The following FRMD5 variants were observed in gnomAD, a reference collection of about 807,000 sequenced individuals.
The protein encoded by FRMD5 is FERM domain containing 5, also known as FERM domain-containing protein 5.
FRMD5 carries 20 observed loss-of-function variants against 69.0 expected under a neutral mutation model. The ratio of observed to expected loss-of-function variants is 0.29; its 90% CI spans 0.20 to 0.42. FRMD5 has a LOEUF of 0.42. Ranked by LOEUF, FRMD5 falls within the 10% of genes least tolerant of loss-of-function variation. The probability of loss-of-function intolerance (pLI) is 1.00; values close to 1 mark genes in which losing one functional copy is unlikely to be tolerated. For synonymous variants in FRMD5, 271 were observed against 260.1 expected (o/e 1.04, Z -0.40); for missense variants, 595 against 708.6 (o/e 0.84, Z 1.82).
intron 7 of FRMD5, among the ~76,000 whole-genome samples, chr15:43,897,155 G>T (rs2088929607): frequency 6.6e-6 from 1 of 152,026 alleles, no homozygotes; most frequent in Non-Finnish European, 1.5e-5. Flanking sequence ...CCACCCAAGG[G>T]TGGGACAGCC....
chr15:43,972,005 G>A (rs2090387701), intron 1 of FRMD5, among the ~76,000 whole-genome samples: 3 of 149,960 alleles, frequency 2.0e-5, no homozygotes, highest in Admixed American at 2.0e-4. Flanking sequence ...AGACCATCCT[G>A]GCCAACATAG....
At chr15:43,883,906 T>G (rs1481283034) in intron 12 of FRMD5, 97 bp from the exon 13 acceptor site, 2 of 843,558 alleles carry the variant, frequency 2.4e-6, no homozygotes, top group Admixed American at 1.9e-5. Context: ...TGCCTGGCTA[T>G]ATTAAGTCTT....
At chr15:44,176,593 C>A (rs1318378498) in intron 1 of FRMD5, among the ~76,000 whole-genome samples, 1 of 152,026 alleles carries the variant, frequency 6.6e-6, no homozygotes, top group Non-Finnish European at 1.5e-5. Flanking sequence ...AATGAAAAGA[C>A]AACTCACAGA....
Position 44,054,332 on chromosome 15 carries a change from C to T in FRMD5, c.103-130023G>A, listed in dbSNP as rs541515594. On this transcript the variant is annotated intron_variant, in intron 1 of 13. Transcript: ENST00000417257. ...TCCCAACCTCTATCCTATTATCTTC[C>T]CTGCAATCGTCCGCTCTCCAGAGCC... Among the ~76,000 whole-genome samples the T allele has an allele frequency of 3.9e-5, 6 of 152,262 alleles. No individual in the cohort carries two copies. In the South Asian group the frequency reaches 1.2e-3, roughly 32 times the overall value.
intron 13 of FRMD5, chr15:43,876,269 G>A (rs1404811978): frequency 2.9e-5 from 42 of 1,467,612 alleles, no homozygotes; most frequent in Non-Finnish European, 3.7e-5. Flanking sequence ...GTTGAACTCT[G>A]AACTCTGGGC....
chr15:43,879,842 G>A, intron 13 of FRMD5: 1 of 393,244 alleles, frequency 2.5e-6, no homozygotes, highest in East Asian at 3.6e-5. Flanking sequence ...GCGTGTTGCA[G>A]GGAGAAGGTC....
chr15:43,924,748 C>T (rs2089553450), intron 1 of FRMD5, among the ~76,000 whole-genome samples: 1 of 152,208 alleles, frequency 6.6e-6, no homozygotes. Flanking sequence ...CATCCCTCAA[C>T]AGGACCACTG....
At chr15:44,023,269 C>T (rs1891291357) in intron 1 of FRMD5, among the ~76,000 whole-genome samples, 1 of 152,142 alleles carries the variant, frequency 6.6e-6, no homozygotes, top group African/African-American at 2.4e-5. Flanking sequence ...AGTATCTCCC[C>T]ATCTGGAGGT....
chr15:43,980,753 T>C (rs756115573), intron 1 of FRMD5, among the ~76,000 whole-genome samples: 9 of 152,238 alleles, frequency 5.9e-5, no homozygotes, highest in Non-Finnish European at 1.0e-4. Context: ...TGTTATTTAA[T>C]GAAGGAGAAT....
chr15:43,966,203 T>C (rs1296250311), intron 1 of FRMD5, among the ~76,000 whole-genome samples: 3 of 151,900 alleles, frequency 2.0e-5, no homozygotes, highest in Non-Finnish European at 4.4e-5. Flanking sequence ...AAACCGCATC[T>C]CTAATAAAAA....
rs1566889673 is a variant in FRMD5 at position 43,999,932 on chromosome 15, T to TATATATATATATGCCATGC, written c.103-75624_103-75623insGCATGGCATATATATATAT. ...ATTTGTGTGTGTGTATGTATATATATATATATATATATATGCCATGCATAT... is the reference window on the plus strand; with the variant it reads ...ATTTGTGTGTGTGTATGTATATATATATATATATATATGCCATGCATATATATATATATGCCATGCATAT... On this transcript the variant is annotated intron_variant, in intron 1 of 13. Transcript: ENST00000417257. 2.9e-5 allele frequency among the ~76,000 whole-genome samples: 4 copies of TATATATATATATGCCATGC among 140,312 alleles called. 1 individual carries two copies. Among genetic ancestry groups the TATATATATATATGCCATGC allele is most frequent in the Admixed American group, 7.0e-5 (1 of 14,376 alleles). 92.1% of individuals were successfully genotyped at this position (140,312 alleles called of 152,430 possible).
At chr15:44,158,148 A>G (rs559748638) in intron 1 of FRMD5, among the ~76,000 whole-genome samples, 5 of 152,322 alleles carry the variant, frequency 3.3e-5, no homozygotes, top group African/African-American at 1.2e-4. Flanking sequence ...GGAATTTTAG[A>G]GCCTCTGTCT....
rs192805403 is a variant in FRMD5 at position 44,168,461 on chromosome 15, G to A, written c.102+26492C>T. ...TAGACTTGCTCAGTGCCAAATTTAC[G>A]TGAATTTTAAGATTCCTGTCTTTAA... is the stretch of plus-strand genomic sequence containing the variant. On this transcript the variant is annotated intron_variant, in intron 1 of 13. Transcript: ENST00000417257. Among the ~76,000 whole-genome samples the A allele has an allele frequency of 2.6e-4, 40 of 152,274 alleles. No homozygotes were observed. In the South Asian group the frequency reaches 5.2e-3, roughly 20 times the overall value.
chr15:44,078,807 A>G (rs748417478), intron 1 of FRMD5, among the ~76,000 whole-genome samples: 8 of 152,184 alleles, frequency 5.3e-5, no homozygotes, highest in Non-Finnish European at 8.8e-5. Context: ...AGATCTACAT[A>G]TAGGAGCCCA....
intron 1 of FRMD5, among the ~76,000 whole-genome samples, chr15:44,149,115 G>C (rs1315487044): frequency 6.6e-6 from 1 of 152,026 alleles, no homozygotes; most frequent in African/African-American, 2.4e-5. Context: ...ATGTAATTTT[G>C]TTATATCAAC....
chr15:44,178,409 C>G (rs2696091), intron 1 of FRMD5, among the ~76,000 whole-genome samples: 151,860 of 152,352 alleles, frequency 1, 75,697 homozygotes, highest in Middle Eastern at 1. Flanking sequence ...GAGATCAAAA[C>G]AATAGTGGAA....
intron 1 of FRMD5, among the ~76,000 whole-genome samples, chr15:44,025,846 G>T (rs1332012444): frequency 6.6e-6 from 1 of 152,182 alleles, no homozygotes; most frequent in Non-Finnish European, 1.5e-5. Flanking sequence ...AGCAACATAT[G>T]ATTTTCTTTG....
At chr15:43,980,696 C>T (rs562202083) in intron 1 of FRMD5, among the ~76,000 whole-genome samples, 1 of 152,032 alleles carries the variant, frequency 6.6e-6, no homozygotes, top group African/African-American at 2.4e-5. Context: ...TTTTTTTTAT[C>T]TTAAAGCTGG....
At chr15:43,891,945 A>C in intron 8 of FRMD5, 36 bp downstream of exon 8, 1 of 1,564,990 alleles carries the variant, frequency 6.4e-7, no homozygotes, top group Non-Finnish European at 8.8e-7. Flanking sequence ...AGTTGGTGAG[A>C]TATAAAGAGC....
Sources: allele counts gnomAD v4.1 joint callset (sites outside exome capture counted in the v4.1 genomes callset), GRCh38; gene constraint gnomAD v4.1.1; transcripts MANE v1.5; gene names NCBI Gene and HGNC (gene_info 2026-07-23, HGNC 2026-07-21).